CAMTA1: variants seen among roughly 807,000 people sequenced by gnomAD.
CAMTA1 encodes calmodulin-binding transcription activator 1.
Under a neutral mutation model 170.9 loss-of-function variants are expected in CAMTA1, and 27 were observed. The observed-to-expected ratio is 0.16, with a 90% CI of 0.12 to 0.22. The LOEUF is 0.22. Ranked by LOEUF, CAMTA1 falls within the 10% of genes least tolerant of loss-of-function variation. CAMTA1 has a pLI of 1.00. For missense variants in CAMTA1, 1,619 were observed against 2,217.2 expected, an observed-to-expected ratio of 0.73 and a Z score of 5.42; for synonymous variants, 833 against 891.5, an observed-to-expected ratio of 0.93 and a Z score of 1.17.
chr1:7,701,267 G>A (rs1280789283), intron 11 of CAMTA1, among the ~76,000 whole-genome samples: 3 of 152,146 alleles, frequency 2.0e-5, no homozygotes, highest in East Asian at 1.9e-4. Flanking sequence ...TAGCAGCAGC[G>A]TGAGTGCCTG....
At chr1:7,401,800 G>C (rs1192980598) in intron 5 of CAMTA1, among the ~76,000 whole-genome samples, 1 of 152,080 alleles carries the variant, frequency 6.6e-6, no homozygotes, top group Non-Finnish European at 1.5e-5. Context: ...TAAAAATGCA[G>C]TTTATTTTTG....
chr1:7,061,991 C>T (rs768990225), intron 3 of CAMTA1, among the ~76,000 whole-genome samples: 1 of 152,102 alleles, frequency 6.6e-6, no homozygotes, highest in Non-Finnish European at 1.5e-5. Flanking sequence ...GATTTTGGCT[C>T]ACTGCAACCT....
intron 6 of CAMTA1, among the ~76,000 whole-genome samples, chr1:7,540,781 A>T (rs2094601125): frequency 6.6e-6 from 1 of 152,228 alleles, no homozygotes; most frequent in African/African-American, 2.4e-5. Context: ...TCAAAAAAAA[A>T]GGTCAAGAAA....
intron 3 of CAMTA1, among the ~76,000 whole-genome samples, chr1:6,864,561 C>T (rs1665924452): frequency 6.6e-6 from 1 of 152,174 alleles, no homozygotes; most frequent in South Asian, 2.1e-4. Flanking sequence ...CTGCCAAGCC[C>T]CTCTCGCCTT....
At chr1:6,861,366 G>A (rs1664624043) in intron 3 of CAMTA1, among the ~76,000 whole-genome samples, 1 of 152,098 alleles carries the variant, frequency 6.6e-6, no homozygotes, top group African/African-American at 2.4e-5. Context: ...GTAGGTTAAC[G>A]AAAACTAAAG....
chr1:6,991,396 G>A (rs868426006), intron 3 of CAMTA1, among the ~76,000 whole-genome samples: 19 of 152,156 alleles, frequency 1.2e-4, no homozygotes, highest in Admixed American at 9.8e-4. Flanking sequence ...AACATTTAGT[G>A]CTGTGACTCT....
chr1:6,823,208 G>C (rs969744143), intron 2 of CAMTA1, among the ~76,000 whole-genome samples: 1 of 152,074 alleles, frequency 6.6e-6, no homozygotes, highest in African/African-American at 2.4e-5. Context: ...GGAGGTAAAG[G>C]CTCACGTGAT....
At position 7,551,282 on chromosome 1, in the gene CAMTA1, G is replaced by A. The variant is rs1421585233; in HGVS notation, c.510+83381G>A. On this transcript the variant is annotated intron_variant, in intron 6 of 22. Transcript: ENST00000303635. ...TCGGACAAGAGCTGCAGGGCCAAAGGACATGTGTGCGCAGGTGCACTGAGT... is the reference window on the plus strand; with the variant it reads ...TCGGACAAGAGCTGCAGGGCCAAAGAACATGTGTGCGCAGGTGCACTGAGT... Among the ~76,000 whole-genome samples the A allele has an allele frequency of 2.2e-5, 3 of 138,338 alleles. No homozygotes were observed. In the East Asian group the frequency reaches 8.3e-4, roughly 38 times the overall value. 90.8% of individuals were successfully genotyped at this position (138,338 alleles called of 152,430 possible).
At chr1:7,163,996 C>G (rs1321323907) in intron 4 of CAMTA1, among the ~76,000 whole-genome samples, 2 of 152,318 alleles carry the variant, frequency 1.3e-5, no homozygotes, top group South Asian at 2.1e-4. Context: ...CTAGCACCTA[C>G]TATGTGCTCA....
At chr1:7,039,059 A>G (rs1704046368) in intron 3 of CAMTA1, among the ~76,000 whole-genome samples, 1 of 152,166 alleles carries the variant, frequency 6.6e-6, no homozygotes, top group African/African-American at 2.4e-5. Flanking sequence ...AAATAAAATA[A>G]AATAAATAAA....
intron 5 of CAMTA1, among the ~76,000 whole-genome samples, chr1:7,354,294 G>A (rs940508592): frequency 1.1e-4 from 17 of 151,728 alleles, no homozygotes; most frequent in African/African-American, 3.1e-4. Flanking sequence ...GACTACAGGC[G>A]CCTGCCACCG....
intron 4 of CAMTA1, among the ~76,000 whole-genome samples, chr1:7,126,635 T>C (rs892764414): frequency 3.9e-5 from 6 of 152,342 alleles, no homozygotes; most frequent in African/African-American, 1.4e-4. Context: ...GAATAATCTT[T>C]AGAACTTACT....
chr1:7,218,404 A>AT (rs1270070602), intron 4 of CAMTA1, among the ~76,000 whole-genome samples: 5 of 151,954 alleles, frequency 3.3e-5, no homozygotes, highest in South Asian at 2.1e-4. Context: ...GGTTCGTGTG[A>AT]TTTTTAGTTC....
chr1:6,844,335 A>G (rs1368757699), intron 3 of CAMTA1, among the ~76,000 whole-genome samples: 2 of 152,002 alleles, frequency 1.3e-5, no homozygotes, highest in African/African-American at 4.8e-5. Context: ...TATATTTACA[A>G]TTTGTGCTGT....
intron 5 of CAMTA1, among the ~76,000 whole-genome samples, chr1:7,421,911 G>A (rs765308162): frequency 5.9e-5 from 9 of 151,968 alleles, no homozygotes; most frequent in Admixed American, 2.6e-4. Flanking sequence ...CCTGGCAAGC[G>A]TTGCTCTGTG....
chr1:7,502,392 C>G (rs370340507), intron 6 of CAMTA1, among the ~76,000 whole-genome samples: 1 of 152,170 alleles, frequency 6.6e-6, no homozygotes, highest in Admixed American at 6.5e-5. Flanking sequence ...CACGAGTTCT[C>G]CAGAGGAAAT....
intron 2 of CAMTA1, among the ~76,000 whole-genome samples, chr1:6,822,794 CCACACACACACA>C (rs3061932): frequency 4.1e-5 from 6 of 146,486 alleles, no homozygotes; most frequent in African/African-American, 7.6e-5. Context: ...TACATAAATA[CCACACACACACA>C]CACACACACA....
intron 11 of CAMTA1, among the ~76,000 whole-genome samples, chr1:7,725,294 G>A (rs1304684772): frequency 6.6e-6 from 1 of 152,226 alleles, no homozygotes; most frequent in Non-Finnish European, 1.5e-5. Context: ...CAGACACCTG[G>A]AAAGACAGCC....
chr1:7,610,578 C>T lies in CAMTA1; in HGVS notation c.511-29822C>T, dbSNP rs573536969. On this transcript the variant is annotated intron_variant, in intron 6 of 22. Transcript: ENST00000303635. Reference sequence around the variant, plus strand: ...TCTGCCATTCAAAAGTGACTGGGGGCAGACTCCGTGGCCCCTCCTATAGGC... The same window carrying T: ...TCTGCCATTCAAAAGTGACTGGGGGTAGACTCCGTGGCCCCTCCTATAGGC... 3.9e-5 allele frequency among the ~76,000 whole-genome samples: 6 copies of T among 152,292 alleles called. No individual in the cohort carries two copies. In the South Asian group the frequency reaches 1.2e-3, roughly 32 times the overall value.
Sources: gnomAD v4.1 joint callset for allele counts (sites outside exome capture counted in the v4.1 genomes callset) on GRCh38, gnomAD v4.1.1 for gene constraint, MANE v1.5 for transcripts, NCBI Gene and HGNC (gene_info 2026-07-23, HGNC 2026-07-21) for gene names.